ACOT1: variants seen among roughly 807,000 people sequenced by gnomAD.
ACOT1 encodes acyl-coenzyme A thioesterase 1.
A neutral mutation model predicts 15.7 loss-of-function variants in ACOT1; 8 were observed. The observed-to-expected ratio is 0.51, with a 90% CI of 0.30 to 0.92. ACOT1 has a LOEUF of 0.92. ACOT1 is among the 40% of genes least tolerant of loss of function. The probability of loss-of-function intolerance (pLI) is 0.06; values close to 1 mark genes in which losing one functional copy is unlikely to be tolerated. For synonymous variants in ACOT1, 67 were observed against 241.2 expected (o/e 0.28, Z 6.69); for missense variants, 151 against 539.4 (o/e 0.28, Z 7.13).
the ACOT1 span, chr14:73,491,386 G>A: frequency 2.2e-6 from 3 of 1,351,888 alleles, no homozygotes; most frequent in Non-Finnish European, 2.8e-6. Flanking sequence ...CGCGCCTGGT[G>A]CCCGCTTCCG....
At chr14:73,523,781 C>G in the ACOT1 span, among the ~76,000 whole-genome samples, 2 of 152,188 alleles carry the variant, frequency 1.3e-5, no homozygotes, top group Non-Finnish European at 2.9e-5. Flanking sequence ...TGCTCCATAA[C>G]TCTTTCTTGA....
the ACOT1 span, among the ~76,000 whole-genome samples, chr14:73,509,963 T>C: frequency 6.7e-6 from 1 of 149,514 alleles, no homozygotes; most frequent in East Asian, 2.0e-4. Flanking sequence ...AAGCTCCGCC[T>C]CCTGGGTTCA....
the ACOT1 span, chr14:73,500,483 C>T: frequency 6.7e-7 from 1 of 1,495,906 alleles, no homozygotes; most frequent in Non-Finnish European, 9.2e-7. Flanking sequence ...ATACTGTGCA[C>T]AACCAGGGAA....
chr14:73,526,545 G>A, the ACOT1 span, among the ~76,000 whole-genome samples: 25 of 152,042 alleles, frequency 1.6e-4, no homozygotes, highest in South Asian at 4.6e-3. Context: ...GGAAAGGAGA[G>A]GGAAGAGTAC....
At chr14:73,498,942 A>T in the ACOT1 span, 1 of 766,190 alleles carries the variant, frequency 1.3e-6, no homozygotes. Context: ...CAGACAAGGA[A>T]CTTCTGAAAA....
At chr14:73,496,514 G>T in the ACOT1 span, 3 of 781,324 alleles carry the variant, frequency 3.8e-6, no homozygotes, top group Non-Finnish European at 6.8e-6. Flanking sequence ...GGGAAAAAGG[G>T]TATGTACATG....
the ACOT1 span, among the ~76,000 whole-genome samples, chr14:73,501,571 T>C: frequency 1.2e-4 from 12 of 103,070 alleles, no homozygotes; most frequent in Middle Eastern, 0.013. Flanking sequence ...CTCTCTCTCT[T>C]TTTTTTTTTT....
At chr14:73,491,693 G>T in the ACOT1 span, 1 of 1,550,078 alleles carries the variant, frequency 6.5e-7, no homozygotes, top group East Asian at 2.4e-5. Flanking sequence ...ATGGGAGCGC[G>T]AGGCGGTGCT....
chr14:73,513,900 C>T, the ACOT1 span: 1 of 870,272 alleles, frequency 1.1e-6, no homozygotes, highest in Non-Finnish European at 1.8e-6. Flanking sequence ...TCTTGTCTAG[C>T]CTTAATGAGG....
the ACOT1 span, chr14:73,493,245 C>T: frequency 9.0e-6 from 7 of 781,808 alleles, no homozygotes; most frequent in East Asian, 1.7e-4. Context: ...CTGACCATGT[C>T]GTTCTGCTTG....
the ACOT1 span, chr14:73,514,189 G>C: frequency 6.2e-7 from 1 of 1,614,184 alleles, no homozygotes. Flanking sequence ...CTTGGCGGGG[G>C]TGGGCAAAGC....
At chr14:73,511,651 G>A in the ACOT1 span, among the ~76,000 whole-genome samples, 1 of 152,096 alleles carries the variant, frequency 6.6e-6, no homozygotes, top group East Asian at 1.9e-4. Context: ...AAGGTGGGAG[G>A]ATTACTTGAG....
At chr14:73,522,670 G>A in the ACOT1 span, 3 of 1,614,196 alleles carry the variant, frequency 1.9e-6, no homozygotes, top group Admixed American at 1.7e-5. Flanking sequence ...TGAGAGGGCG[G>A]GGTGCTTCCC....
the ACOT1 span, chr14:73,508,287 A>G: frequency 6.2e-6 from 10 of 1,613,324 alleles, no homozygotes; most frequent in Non-Finnish European, 8.5e-6. Context: ...AGCTATCCAC[A>G]CTGTTACCTG....
chr14:73,526,622 G>C, the ACOT1 span, among the ~76,000 whole-genome samples: 1 of 152,170 alleles, frequency 6.6e-6, no homozygotes, highest in Non-Finnish European at 1.5e-5. Context: ...TAAAGCACCA[G>C]GCAGAATCCT....
At chr14:73,491,675 C>A in the ACOT1 span, 1 of 1,550,016 alleles carries the variant, frequency 6.5e-7, no homozygotes, top group Non-Finnish European at 8.7e-7. Context: ...TCACTTTTAC[C>A]GGCGCCTATG....
chr14:73,536,469 A>G (rs576444386), upstream of ACOT1, among the ~76,000 whole-genome samples: 1 of 98,462 alleles, frequency 1.0e-5, no homozygotes, highest in South Asian at 3.5e-4. Flanking sequence ...GTGATGGTAA[A>G]CCGCCGCTGT....
At chr14:73,512,063 T>C in the ACOT1 span, 112 of 1,613,962 alleles carry the variant, frequency 6.9e-5, no homozygotes, top group Middle Eastern at 1.2e-3. Flanking sequence ...GTGGCACATG[T>C]GGTGATAGCT....
rs1391745124 is a variant in ACOT1 at position 73,537,953 on chromosome 14, C to T, written c.457+75C>T. On this transcript the variant is annotated intron_variant, in intron 1 of 2. Transcript: ENST00000311148. ...CTTTCCACTGTGTGTGTGTGTGTGT[C>T]CCCTTCGCCCCGCCCCGCTCTTTTC... 6 of 1,026,816 alleles carry T rather than the reference C, an allele frequency of 5.8e-6. 1 individual carries two copies. The highest frequency in any genetic ancestry group is 7.4e-6 in the Non-Finnish European group (6 of 808,078). 63.6% of individuals were successfully genotyped at this position (1,026,816 alleles called of 1,614,324 possible).
Sources: allele counts gnomAD v4.1 joint callset (sites outside exome capture counted in the v4.1 genomes callset), GRCh38; gene constraint gnomAD v4.1.1; transcripts MANE v1.5; gene names NCBI Gene and HGNC (gene_info 2026-07-23, HGNC 2026-07-21).